The following DNAH8 variants were observed in gnomAD, a reference collection of about 807,000 sequenced individuals.
The protein encoded by DNAH8 is dynein axonemal heavy chain 8.
A neutral mutation model predicts 562.1 loss-of-function variants in DNAH8; 382 were observed. The observed-to-expected ratio is 0.68, with a 90% CI of 0.63 to 0.74. The LOEUF (loss-of-function observed/expected upper bound fraction) is 0.74. DNAH8 is among the 30% of genes least tolerant of loss of function. The pLI is 0.00. For missense variants in DNAH8, 5,203 were observed against 5,620.4 expected (o/e 0.93, Z 2.37); for synonymous variants, 1,881 against 1,919.4 (o/e 0.98, Z 0.52).
rs1003111416 is a variant in DNAH8, at chr6:38,732,731, C to G, written c.611-1743C>G. Among the ~76,000 whole-genome samples, 6 of 152,016 alleles carry G rather than the reference C, an allele frequency of 3.9e-5. No individual in the cohort carries two copies. The East Asian group carries it at 1.2e-3, about 29-fold the overall frequency. ...TTCAAGGTTTATATTCTTGTAGAGT[C>G]TAATTAGTCTAGTTCTTACATGCCC... On this transcript the variant is annotated intron_variant, in intron 4 of 92. Transcript: ENST00000327475.
intron 62 of DNAH8, 33 bp downstream of exon 62, chr6:38,899,939 A>T (rs377272105): frequency 2.7e-6 from 4 of 1,491,092 alleles, no homozygotes; most frequent in Non-Finnish European, 3.6e-6. Context: ...ATGTTTTTCT[A>T]TAGTTAATTT....
In DNAH8 at chr6:38,971,584, T is replaced by C. The variant is rs2150689671; in HGVS notation, c.12452-8T>C. ...TTTCATCATAGTGAACTTTCTCCTA[T>C]GTTACAGAATGTAGAACTATCTCAA... On this transcript the variant is annotated splice_polypyrimidine_tract_variant and splice_region_variant and intron_variant, in intron 82 of 92. Coordinates refer to ENST00000327475, the MANE Select transcript of DNAH8 (RefSeq NM_001206927.2). The C allele has an allele frequency of 6.5e-7, 1 of 1,533,508 alleles. No homozygotes were observed. Among genetic ancestry groups the C allele is most frequent in the Non-Finnish European group, 8.8e-7 (1 of 1,140,162 alleles). 95.0% of individuals were successfully genotyped at this position (1,533,508 alleles called of 1,614,324 possible).
At position 38,783,147 on chromosome 6, in the gene DNAH8, T is replaced by G. The variant is rs1201414279; in HGVS notation, c.2395+8T>G. On this transcript the variant is annotated splice_region_variant and intron_variant, in intron 17 of 92. Transcript: ENST00000327475. ...TTTCACAGTTGCATTACGGTGTGTA[T>G]AACACTGCCATGAGCCTACAAAGTA... 6.2e-7 allele frequency: 1 copy of G among 1,612,818 alleles called. No homozygotes were observed. The highest frequency in any genetic ancestry group is 1.3e-5 in the African/African-American group (1 of 74,892).
In DNAH8 at chr6:38,908,042, TCCTACCTTTGATAATTTGTA is replaced by T; in HGVS notation, c.9436_9455del (p.Pro3146Ter). 1 of 1,612,248 alleles carries T rather than the reference TCCTACCTTTGATAATTTGTA, an allele frequency of 6.2e-7. No individual in the cohort carries two copies. The highest frequency in any genetic ancestry group is 8.5e-7 in the Non-Finnish European group (1 of 1,179,094). ...TGAAGAGGGAGCTACCTCGCCATCC[TCCTACCTTTGATAATTTGTA>T]TGAATACTTCATTTCAAGATCAAGG... On this transcript the variant is annotated frameshift_variant, in exon 64 of 93. Coordinates refer to ENST00000327475, the MANE Select transcript of DNAH8 (RefSeq NM_001206927.2). LOFTEE classifies it high-confidence loss of function.
At chr6:38,940,928 C>CATCTAA (rs1783401793) in intron 79 of DNAH8, among the ~76,000 whole-genome samples, 1 of 52,114 alleles carries the variant, frequency 1.9e-5, no homozygotes, top group South Asian at 7.2e-4. Context: ...CCATCCTGGT[C>CATCTAA]ACCGGTTTAG....
At position 38,974,414 on chromosome 6, in the gene DNAH8, G is replaced by T. The variant is rs201939427; in HGVS notation, c.12719G>T (p.Arg4240Leu). The T allele has an allele frequency of 6.2e-7, 1 of 1,613,954 alleles. No homozygotes were observed. Among genetic ancestry groups the T allele is most frequent in the Non-Finnish European group, 8.5e-7 (1 of 1,179,842 alleles). Residue 4240 changes from arginine (R) to leucine (L), a missense_variant, in exon 85 of 93, where the codon CGC becomes CTC. Physicochemically the swap from Arg to Leu is moderately radical, Grantham distance 102. This residue lies in a region of DNAH8 where 1,399 missense variants were observed against 1,518.4 expected (regional missense o/e 0.92). Coordinates refer to ENST00000327475, the MANE Select transcript of DNAH8 (RefSeq NM_001206927.2). ...ACTAATGAGCCACCCCAAGGTGTAC[G>T]CGCAGGTTTGAAAAGAACATTTGCT... ...KFTNEPPQGV[R>L]AGLKRTFAGI...
At chr6:38,805,895 C>T (rs999784646) in intron 23 of DNAH8, among the ~76,000 whole-genome samples, 7 of 152,122 alleles carry the variant, frequency 4.6e-5, no homozygotes, top group Non-Finnish European at 7.4e-5. Context: ...GCAGCTGATC[C>T]GTTTGACTCA....
intron 88 of DNAH8, among the ~76,000 whole-genome samples, chr6:38,996,608 G>A (rs1765147804): frequency 6.6e-6 from 1 of 152,196 alleles, no homozygotes; most frequent in African/African-American, 2.4e-5. Flanking sequence ...GTACCCTGTG[G>A]GTAAGTCCAG....
intron 49 of DNAH8, among the ~76,000 whole-genome samples, chr6:38,870,825 G>C (rs2150429324): frequency 6.6e-6 from 1 of 152,250 alleles, no homozygotes; most frequent in South Asian, 2.1e-4. Flanking sequence ...GAAATAGTAG[G>C]TTATAAAAAC....
chr6:39,030,540 G>A lies in DNAH8; in HGVS notation c.*148G>A, dbSNP rs770120673. 20 of 644,462 alleles carry A rather than the reference G, an allele frequency of 3.1e-5. No individual in the cohort carries two copies. The highest frequency in any genetic ancestry group is 6.3e-5 in the Admixed American group (2 of 31,710). 39.9% of individuals were successfully genotyped at this position (644,462 alleles called of 1,614,324 possible). On this transcript the variant is annotated 3_prime_UTR_variant, in exon 93 of 93. Coordinates refer to ENST00000327475, the MANE Select transcript of DNAH8 (RefSeq NM_001206927.2). ...GTTGATGTTCTAAAATTGCTAGTGC[G>A]TGTGTGTTTTCCTCACATATCAATA...
At chr6:38,741,276 G>T (rs1016046521) in intron 7 of DNAH8, among the ~76,000 whole-genome samples, 1 of 152,138 alleles carries the variant, frequency 6.6e-6, no homozygotes, top group Admixed American at 6.5e-5. Context: ...GGTAGCACTT[G>T]CCCGTAGTCC....
intron 21 of DNAH8, among the ~76,000 whole-genome samples, chr6:38,792,813 C>A (rs1402501939): frequency 2.6e-5 from 4 of 152,138 alleles, no homozygotes; most frequent in Non-Finnish European, 5.9e-5. Flanking sequence ...GGGTCTTGCT[C>A]TGTCACTCAG....
intron 28 of DNAH8, among the ~76,000 whole-genome samples, chr6:38,824,812 A>G (rs1773164820): frequency 1.3e-5 from 2 of 152,084 alleles, no homozygotes; most frequent in Non-Finnish European, 2.9e-5. Context: ...TTATTATTAT[A>G]TCTACCAAGG....
intron 26 of DNAH8, among the ~76,000 whole-genome samples, chr6:38,816,364 G>C (rs1772274276): frequency 6.6e-6 from 1 of 152,106 alleles, no homozygotes; most frequent in Non-Finnish European, 1.5e-5. Context: ...GCATTAGTTT[G>C]CCAAGGATAA....
At chr6:39,008,566 T>G (rs1230902634) in intron 88 of DNAH8, among the ~76,000 whole-genome samples, 3 of 152,180 alleles carry the variant, frequency 2.0e-5, no homozygotes, top group Admixed American at 1.3e-4. Context: ...AGGGTGTTTT[T>G]GGGTCTCTTT....
At chr6:38,973,020 A>G (rs4714203) in intron 83 of DNAH8, among the ~76,000 whole-genome samples, 133,031 of 152,206 alleles carry the variant, frequency 0.87, 58,188 homozygotes, top group East Asian at 0.93. Flanking sequence ...TCCTGTATAA[A>G]GGTATTAAAA....
chr6:38,790,084 C>A (rs1769574135), intron 19 of DNAH8, among the ~76,000 whole-genome samples: 1 of 150,110 alleles, frequency 6.7e-6, no homozygotes, highest in Non-Finnish European at 1.5e-5. Context: ...AAATCTAAAT[C>A]ATGAGCATTT....
chr6:38,822,929 C>T lies in DNAH8; in HGVS notation c.3615C>T (p.Leu1205=). 1.2e-6 allele frequency: 2 copies of T among 1,613,694 alleles called. No homozygotes were observed. The highest frequency in any genetic ancestry group is 8.5e-7 in the Non-Finnish European group (1 of 1,179,858). The change falls in exon 27 of 93, where the codon CTC becomes CTT. Residue 1205 remains leucine (L), a synonymous_variant. Transcript: ENST00000327475. ...AGGATATTTCTAAGTTGGTCCTGCT[C>T]CTTTCTTCCTCTGTAAATTCCCTAA... The part of the protein sequence containing the change: ...EHKDISKLVL[L]LSSSVNSLRK...
In DNAH8 at chr6:38,783,072, T is replaced by C. The variant is rs772055577; in HGVS notation, c.2328T>C (p.Tyr776=). ...AVIRQYNKIS[Y]VLVEFEVVYH... is the part of the protein sequence containing the mutation. ...TCCGTCAGTATAACAAGATCTCCTA[T>C]GTGCTGGTGGAATTCGAGGTGGTCT... is the stretch of plus-strand genomic sequence containing the variant. Residue 776 remains tyrosine, a synonymous_variant, in exon 17 of 93, where the codon TAT becomes TAC. Transcript: ENST00000327475. The C allele has an allele frequency of 3.7e-6, 6 of 1,613,864 alleles. No homozygotes were observed. The Admixed American group carries it at 5.0e-5, about 13-fold the overall frequency.
Sources: gnomAD v4.1 joint callset for allele counts (sites outside exome capture counted in the v4.1 genomes callset) on GRCh38, gnomAD v4.1.1 for gene constraint, gnomAD v4.1.1 regional missense constraint, MANE v1.5 for transcripts, NCBI Gene and HGNC (gene_info 2026-07-23, HGNC 2026-07-21) for gene names.